The following AGAP1 variants were observed in gnomAD, a reference collection of about 807,000 sequenced individuals.
The protein encoded by AGAP1 is ArfGAP with GTPase domain, ankyrin repeat and PH domain 1, also known as arf-GAP with GTPase, ANK repeat and PH domain-containing protein 1.
A neutral mutation model predicts 105.3 loss-of-function variants in AGAP1; 29 were observed. The ratio of observed to expected loss-of-function variants is 0.28; its 90% CI spans 0.21 to 0.38. AGAP1 has a LOEUF of 0.38. Ranked by LOEUF, AGAP1 falls within the 10% of genes least tolerant of loss-of-function variation. The pLI is 1.00. For missense variants in AGAP1, 998 were observed against 1,165.1 expected (o/e 0.86, Z 2.09); for synonymous variants, 509 against 485.9 (o/e 1.05, Z -0.63).
In AGAP1 at chr2:236,014,890, C is replaced by G. The variant is rs770849397; in HGVS notation, c.1646-21671C>G. 2.4e-6 allele frequency: 1 copy of G among 411,440 alleles called. No individual in the cohort carries two copies. Among genetic ancestry groups the G allele is most frequent in the Non-Finnish European group, 5.1e-6 (1 of 196,678 alleles). 25.5% of individuals were successfully genotyped at this position (411,440 alleles called of 1,614,324 possible). ...GCACCAACACTGAAGGTAACGCCTC[C>G]GCACCTCCACCCGCCCACACCTCCA... On this transcript the variant is annotated intron_variant, in intron 13 of 17. Coordinates refer to ENST00000304032, the MANE Select transcript of AGAP1 (RefSeq NM_001037131.3). This position sits in a 1 kb window ranked among gnomAD's most constrained non-coding sequence, Gnocchi z 6.3.
At chr2:235,604,881 C>G (rs1415857122) in intron 1 of AGAP1, among the ~76,000 whole-genome samples, 1 of 150,902 alleles carries the variant, frequency 6.6e-6, no homozygotes, top group Non-Finnish European at 1.5e-5. Flanking sequence ...CGCGCCCAGC[C>G]TATTACCATT....
intron 1 of AGAP1, among the ~76,000 whole-genome samples, chr2:235,558,064 G>C (rs1944027400): frequency 6.6e-6 from 1 of 152,150 alleles, no homozygotes; most frequent in Non-Finnish European, 1.5e-5. Context: ...ACCAGGCACG[G>C]GCTGTGGAGA....
At chr2:235,803,139 G>GT (rs1208457917) in intron 8 of AGAP1, among the ~76,000 whole-genome samples, 1 of 141,836 alleles carries the variant, frequency 7.1e-6, no homozygotes, top group Admixed American at 7.2e-5. Flanking sequence ...TGTGGTGATG[G>GT]TGATGGTCAT....
intron 1 of AGAP1, among the ~76,000 whole-genome samples, chr2:235,634,030 A>G (rs1946913753): frequency 6.6e-6 from 1 of 152,074 alleles, no homozygotes; most frequent in Non-Finnish European, 1.5e-5. Flanking sequence ...CCCCCGCCGC[A>G]GAGTTGCAGC....
Position 235,621,077 on chromosome 2 carries a change from A to G in AGAP1, c.164-88102A>G, listed in dbSNP as rs886744393. Among the ~76,000 whole-genome samples, 7 of 152,094 alleles carry G rather than the reference A, an allele frequency of 4.6e-5. No homozygotes were observed. Among genetic ancestry groups the G allele is most frequent in the African/African-American group, 1.7e-4 (7 of 41,404 alleles). ...GCTCTTGTCTCCCAGGCTGGAGTAC[A>G]ATGGCACAATCTTGGCTCACTGCAA... On this transcript the variant is annotated intron_variant, in intron 1 of 17. Transcript: ENST00000304032. This position sits in a 1 kb window ranked among gnomAD's most constrained non-coding sequence, Gnocchi z 4.1.
At chr2:235,909,342 A>G (rs757255507) in intron 11 of AGAP1, among the ~76,000 whole-genome samples, 2 of 152,206 alleles carry the variant, frequency 1.3e-5, no homozygotes, top group Admixed American at 6.5e-5. Context: ...CTGTGTTGTT[A>G]TATTTTAATT....
chr2:235,932,732 C>T (rs951565395), intron 12 of AGAP1, among the ~76,000 whole-genome samples: 5 of 152,226 alleles, frequency 3.3e-5, no homozygotes, highest in African/African-American at 1.2e-4. Flanking sequence ...CACTAGGTAA[C>T]TTTCCCTCTA....
At chr2:235,852,794 A>G (rs1488782943) in intron 9 of AGAP1, 5 of 1,532,716 alleles carry the variant, frequency 3.3e-6, no homozygotes, top group Non-Finnish European at 4.4e-6. Flanking sequence ...TGGTCAGACC[A>G]GCCCGCATTG....
At chr2:235,727,687 C>A (rs908930151) in intron 3 of AGAP1, among the ~76,000 whole-genome samples, 2 of 152,222 alleles carry the variant, frequency 1.3e-5, no homozygotes, top group Non-Finnish European at 2.9e-5. Flanking sequence ...CACCACCACT[C>A]CTCCTCTCCG....
rs1414141696 is a variant in AGAP1, at chr2:235,550,433, G to A, written c.163+55584G>A. Among the ~76,000 whole-genome samples, 1 of 152,174 alleles carries A rather than the reference G, an allele frequency of 6.6e-6. No individual in the cohort carries two copies. Among genetic ancestry groups the A allele is most frequent in the Admixed American group, 6.5e-5 (1 of 15,288 alleles). On this transcript the variant is annotated intron_variant, in intron 1 of 17. Coordinates refer to ENST00000304032, the MANE Select transcript of AGAP1 (RefSeq NM_001037131.3). The surrounding 1 kb of genome is among the most constrained non-coding windows in gnomAD (Gnocchi z 4.6). ...ACTGAGCATGCACACGGGCTGTCAGGTCCTGGTCCCAGCTCTGCCTTCCTC... is the reference window on the plus strand; with the variant it reads ...ACTGAGCATGCACACGGGCTGTCAGATCCTGGTCCCAGCTCTGCCTTCCTC...
Position 235,965,636 on chromosome 2 carries a change from G to A in AGAP1, c.1484-2826G>A, listed in dbSNP as rs532577716. On this transcript the variant is annotated intron_variant, in intron 12 of 17. Transcript: ENST00000304032. The surrounding 1 kb of genome is among the most constrained non-coding windows in gnomAD (Gnocchi z 5.8). The stretch of plus-strand genomic sequence containing the variant: ...AAAGTGGAGGTGGTAGGGATACCAC[G>A]TGCCTCAGCGGATTGCTTAAGAGTC... Among the ~76,000 whole-genome samples the A allele has an allele frequency of 3.3e-5, 5 of 152,266 alleles. No individual in the cohort carries two copies. The highest frequency in any genetic ancestry group is 4.8e-5 in the African/African-American group (2 of 41,556).
At chr2:235,804,163 A>G (rs989705411) in intron 8 of AGAP1, among the ~76,000 whole-genome samples, 2 of 152,172 alleles carry the variant, frequency 1.3e-5, no homozygotes, top group Non-Finnish European at 2.9e-5. Flanking sequence ...CTGCCTAGGG[A>G]TCAGCATTAA....
intron 9 of AGAP1, among the ~76,000 whole-genome samples, chr2:235,825,456 C>T (rs765435815): frequency 3.9e-5 from 6 of 152,060 alleles, no homozygotes; most frequent in African/African-American, 4.8e-5. Flanking sequence ...TAGGCCAGTC[C>T]GTTATTTTTT....
chr2:236,106,688 T>C (rs960686748), intron 16 of AGAP1, among the ~76,000 whole-genome samples: 2 of 152,204 alleles, frequency 1.3e-5, no homozygotes, highest in African/African-American at 4.8e-5. Flanking sequence ...GGCAGGGCTC[T>C]CTGCAGGCCA....
rs1322490110 is a variant in AGAP1 at position 236,096,178 on chromosome 2, A to G, written c.2115-24014A>G. On this transcript the variant is annotated intron_variant, in intron 16 of 17. Coordinates refer to ENST00000304032, the MANE Select transcript of AGAP1 (RefSeq NM_001037131.3). This position sits in a 1 kb window ranked among gnomAD's most constrained non-coding sequence, Gnocchi z 4.4. ...AGTAGGTAACTTCACTGGCTTCTTCACACAAATGTGGCTCTTCTCATTAAA... is the reference window on the plus strand; with the variant it reads ...AGTAGGTAACTTCACTGGCTTCTTCGCACAAATGTGGCTCTTCTCATTAAA... 2.0e-5 allele frequency among the ~76,000 whole-genome samples: 3 copies of G among 152,142 alleles called. No individual in the cohort carries two copies. The highest frequency in any genetic ancestry group is 4.4e-5 in the Non-Finnish European group (3 of 68,034).
intron 16 of AGAP1, among the ~76,000 whole-genome samples, chr2:236,094,222 C>T (rs961614986): frequency 6.6e-6 from 1 of 151,444 alleles, no homozygotes; most frequent in Non-Finnish European, 1.5e-5. Context: ...CAGAAGGCCA[C>T]GTCAGGAGGA....
intron 9 of AGAP1, among the ~76,000 whole-genome samples, chr2:235,832,412 A>G (rs1394673548): frequency 6.6e-6 from 1 of 152,222 alleles, no homozygotes; most frequent in African/African-American, 2.4e-5. Context: ...TGATAAAATT[A>G]ATTTCAACAA....
Position 235,750,045 on chromosome 2 carries a change from G to A in AGAP1, c.539-309G>A, listed in dbSNP as rs1020149371. Among the ~76,000 whole-genome samples the A allele has an allele frequency of 3.9e-5, 6 of 152,204 alleles. No homozygotes were observed. Among genetic ancestry groups the A allele is most frequent in the Non-Finnish European group, 7.3e-5 (5 of 68,046 alleles). ...GGGGGCCTGCACATAGGGACTGTGT[G>A]TGTGGTTTTTCCTCCTTTCTAAAGT... On this transcript the variant is annotated intron_variant, in intron 5 of 17. Coordinates refer to ENST00000304032, the MANE Select transcript of AGAP1 (RefSeq NM_001037131.3). The surrounding 1 kb of genome is among the most constrained non-coding windows in gnomAD (Gnocchi z 5.3).
rs79671125 is a variant in AGAP1 at position 235,830,715 on chromosome 2, T to G, written c.1050+23384T>G. Among the ~76,000 whole-genome samples the G allele has an allele frequency of 7.7e-3, 1,166 of 152,288 alleles. 19 individuals are homozygous for G. The highest frequency in any genetic ancestry group is 0.026 in the African/African-American group (1,097 of 41,546). On this transcript the variant is annotated intron_variant, in intron 9 of 17. Coordinates refer to ENST00000304032, the MANE Select transcript of AGAP1 (RefSeq NM_001037131.3). The surrounding 1 kb of genome is among the most constrained non-coding windows in gnomAD (Gnocchi z 5.5). ...CGGCCCCAAGCCACTAACACAGCACTCCTAGTGTTCCTCACAGCAGGTGGA... is the reference window on the plus strand; with the variant it reads ...CGGCCCCAAGCCACTAACACAGCACGCCTAGTGTTCCTCACAGCAGGTGGA...
Sources: allele counts gnomAD v4.1 joint callset (sites outside exome capture counted in the v4.1 genomes callset), GRCh38; gene constraint gnomAD v4.1.1; non-coding constraint Gnocchi (gnomAD v3.1); transcripts MANE v1.5; gene names NCBI Gene and HGNC (gene_info 2026-07-23, HGNC 2026-07-21).